SUPT3H: variants seen among roughly 807,000 people sequenced by gnomAD.
SUPT3H encodes transcription initiation protein SPT3 homolog.
In SUPT3H, 44 loss-of-function variants were observed where a neutral mutation model predicts 44.3. The ratio of observed to expected loss-of-function variants is 0.99; its 90% CI spans 0.78 to 1.28. The LOEUF is 1.28. Among genes scored for constraint, SUPT3H ranks in the 50% most tolerant of loss-of-function variants. The pLI is 0.00. For missense variants in SUPT3H, 380 were observed against 387.1 expected (o/e 0.98, Z 0.15); for synonymous variants, 124 against 125.6 (o/e 0.99, Z 0.09).
intron 10 of SUPT3H, among the ~76,000 whole-genome samples, chr6:44,917,582 T>C (rs1206976622): frequency 6.6e-6 from 1 of 152,204 alleles, no homozygotes; most frequent in Non-Finnish European, 1.5e-5. Context: ...TGACAGACTC[T>C]TGAGACAGCT....
intron 2 of SUPT3H, among the ~76,000 whole-genome samples, chr6:45,276,553 G>C (rs1324519821): frequency 6.6e-6 from 1 of 152,094 alleles, no homozygotes; most frequent in African/African-American, 2.4e-5. Context: ...CATTTAAAGA[G>C]TCAGCGTATA....
chr6:45,163,034 G>A (rs2153602094), intron 2 of SUPT3H, among the ~76,000 whole-genome samples: 1 of 152,206 alleles, frequency 6.6e-6, no homozygotes, highest in East Asian at 1.9e-4. Context: ...ATCTTTTGCT[G>A]GCCTATGAAA....
intron 9 of SUPT3H, among the ~76,000 whole-genome samples, chr6:44,937,879 T>C (rs575628888): frequency 1.3e-5 from 2 of 151,088 alleles, no homozygotes; most frequent in Non-Finnish European, 2.9e-5. Context: ...TCTCCCATTC[T>C]GCAGGTTCTT....
chr6:44,946,538 C>T (rs1428611747), intron 9 of SUPT3H, among the ~76,000 whole-genome samples: 11 of 152,090 alleles, frequency 7.2e-5, no homozygotes, highest in African/African-American at 2.2e-4. Flanking sequence ...TGGCTTTGAG[C>T]GGTCCAGACT....
At chr6:44,890,765 A>AATC (rs1763165907) in intron 10 of SUPT3H, among the ~76,000 whole-genome samples, 1 of 150,494 alleles carries the variant, frequency 6.6e-6, no homozygotes, top group African/African-American at 2.4e-5. Context: ...TAATAATAAT[A>AATC]ATAATAAAAA....
intron 10 of SUPT3H, chr6:44,899,256 CA>C (rs1324772782): frequency 6.6e-6 from 1 of 152,176 alleles, no homozygotes; most frequent in African/African-American, 2.4e-5. Context: ...AGTAGAAATA[CA>C]TTTATCTTAA....
intron 10 of SUPT3H, among the ~76,000 whole-genome samples, chr6:44,853,467 C>T (rs1773225146): frequency 6.6e-6 from 1 of 152,030 alleles, no homozygotes. Flanking sequence ...CCAGACCAGT[C>T]TGGGCAACAT....
At chr6:45,036,277 G>A (rs1411338412) in intron 3 of SUPT3H, among the ~76,000 whole-genome samples, 4 of 152,060 alleles carry the variant, frequency 2.6e-5, no homozygotes, top group African/African-American at 4.8e-5. Flanking sequence ...CAGTACTCAC[G>A]AACACCCCAT....
intron 2 of SUPT3H, among the ~76,000 whole-genome samples, chr6:45,324,365 T>G (rs996098709): frequency 7.9e-5 from 12 of 152,052 alleles, no homozygotes; most frequent in Non-Finnish European, 1.3e-4. Context: ...TATAATCAGA[T>G]GCCAATACTA....
chr6:45,145,237 T>C (rs1201425584), intron 2 of SUPT3H, among the ~76,000 whole-genome samples: 1 of 152,008 alleles, frequency 6.6e-6, no homozygotes, highest in Non-Finnish European at 1.5e-5. Context: ...AGAACAAATC[T>C]AGAGGCATCA....
intron 3 of SUPT3H, among the ~76,000 whole-genome samples, chr6:45,048,947 A>G (rs531128620): frequency 3.9e-5 from 6 of 152,278 alleles, no homozygotes; most frequent in African/African-American, 1.4e-4. Flanking sequence ...CTTCAGTTAC[A>G]CAGGAAAACA....
chr6:45,120,127 G>A (rs978902615), intron 2 of SUPT3H, among the ~76,000 whole-genome samples: 10 of 151,794 alleles, frequency 6.6e-5, no homozygotes, highest in Middle Eastern at 3.4e-3. Context: ...TGGCAGAAAC[G>A]AGATTCCAAA....
chr6:45,077,651 A>AAGG (rs1227961692), intron 3 of SUPT3H, among the ~76,000 whole-genome samples: 3 of 141,362 alleles, frequency 2.1e-5, no homozygotes, highest in African/African-American at 7.6e-5. Context: ...AAGAAAAGAA[A>AAGG]AAAAAAAGTG....
At chr6:45,261,700 A>G (rs1283870712) in intron 2 of SUPT3H, among the ~76,000 whole-genome samples, 1 of 152,116 alleles carries the variant, frequency 6.6e-6, no homozygotes, top group African/African-American at 2.4e-5. Flanking sequence ...CACCACATCT[A>G]GTCAACATAG....
chr6:45,279,085 C>A (rs1777506559), intron 2 of SUPT3H, among the ~76,000 whole-genome samples: 1 of 152,086 alleles, frequency 6.6e-6, no homozygotes, highest in South Asian at 2.1e-4. Flanking sequence ...TTATTTAATT[C>A]TCGATTAAGA....
intron 6 of SUPT3H, among the ~76,000 whole-genome samples, chr6:44,965,282 A>G (rs2153479610): frequency 6.6e-6 from 1 of 152,334 alleles, no homozygotes; most frequent in South Asian, 2.1e-4. Context: ...AAGCTGAGGC[A>G]GCAGAACCCC....
chr6:45,316,415 C>CA lies in SUPT3H; in HGVS notation c.101+48785dup, dbSNP rs10712232. ...AATACTAAATAACTCCTATAAAAAG[C>CA]AAAAAAAAAAAATACTGTATCAAGC... is the stretch of plus-strand genomic sequence containing the variant. On this transcript the variant is annotated intron_variant, in intron 2 of 10. Coordinates refer to ENST00000371459, the MANE Select transcript of SUPT3H (RefSeq NM_003599.4). 9.1e-3 allele frequency among the ~76,000 whole-genome samples: 1,348 copies of CA among 148,336 alleles called. 12 individuals are homozygous for CA. The highest frequency in any genetic ancestry group is 0.027 in the South Asian group (128 of 4,708).
intron 1 of SUPT3H, among the ~76,000 whole-genome samples, chr6:45,370,155 T>G (rs1795812669): frequency 6.6e-6 from 1 of 152,166 alleles, no homozygotes; most frequent in African/African-American, 2.4e-5. Flanking sequence ...GAAGACCAGT[T>G]AGGAAGTTAT....
chr6:45,312,605 C>A (rs1784118134), intron 2 of SUPT3H, among the ~76,000 whole-genome samples: 1 of 142,972 alleles, frequency 7.0e-6, no homozygotes, highest in African/African-American at 2.6e-5. Flanking sequence ...CATATATGCA[C>A]CTAATACTGG....
Sources: allele counts gnomAD v4.1 joint callset (sites outside exome capture counted in the v4.1 genomes callset), GRCh38; gene constraint gnomAD v4.1.1; transcripts MANE v1.5; gene names NCBI Gene and HGNC (gene_info 2026-07-23, HGNC 2026-07-21).